Variants in MITF observed in about 807,000 individuals in gnomAD.
MITF encodes microphthalmia-associated transcription factor.
In MITF, 17 loss-of-function variants were observed where a neutral mutation model predicts 60.5. That is an observed-to-expected ratio of 0.28 (90% confidence interval 0.19 to 0.42). The LOEUF (loss-of-function observed/expected upper bound fraction) is 0.42, where lower values mean the gene tolerates loss of function less well. Ranked by LOEUF, MITF falls within the 10% of genes least tolerant of loss-of-function variation. MITF has a pLI of 1.00. For synonymous variants in MITF, 260 were observed against 248.5 expected, an observed-to-expected ratio of 1.05 and a Z score of -0.43; for missense variants, 622 against 683.5, an observed-to-expected ratio of 0.91 and a Z score of 1.00.
At chr3:69,929,408 T>C (rs979886778) in intron 2 of MITF, among the ~76,000 whole-genome samples, 2 of 152,030 alleles carry the variant, frequency 1.3e-5, no homozygotes, top group African/African-American at 4.8e-5. Context: ...GTGGGAGAAG[T>C]AGGCACAGTG....
In MITF at chr3:69,902,999, A is replaced by G. The variant is rs11918328; in HGVS notation, c.354+23616A>G. 7.7e-3 allele frequency among the ~76,000 whole-genome samples: 1,165 copies of G among 152,272 alleles called. 9 individuals carry two copies. Among genetic ancestry groups the G allele is most frequent in the African/African-American group, 0.026 (1,090 of 41,560 alleles). ...CTTTCTATCGTGTTTTATTATTTCA[A>G]TGTTGTTTGTAGAGGTTGTAAGCTA... On this transcript the variant is annotated intron_variant, in intron 2 of 9. Transcript: ENST00000352241.
At chr3:69,836,690 T>C (rs1452134347) in intron 1 of MITF, among the ~76,000 whole-genome samples, 2 of 152,240 alleles carry the variant, frequency 1.3e-5, no homozygotes, top group African/African-American at 4.8e-5. Flanking sequence ...CAGTCAAATT[T>C]TGAAACTGCT....
chr3:69,927,408 T>C (rs2065618668), intron 2 of MITF, among the ~76,000 whole-genome samples: 1 of 151,886 alleles, frequency 6.6e-6, no homozygotes, highest in Non-Finnish European at 1.5e-5. Context: ...TTAGGACAAA[T>C]ACCTAATGCA....
intron 9 of MITF, 50 bp downstream of exon 9, chr3:69,959,470 A>T (rs994744791): frequency 9.3e-6 from 15 of 1,606,124 alleles, no homozygotes; most frequent in Non-Finnish European, 1.2e-5. Flanking sequence ...CGACTTCAAG[A>T]CAGTAGAAAC....
chr3:69,789,327 G>C (rs370976643), intron 1 of MITF, among the ~76,000 whole-genome samples: 1 of 152,130 alleles, frequency 6.6e-6, no homozygotes, highest in African/African-American at 2.4e-5. Context: ...AATTGGCAAA[G>C]GACTTTAAGA....
chr3:69,755,446 T>A (rs1402201437), intron 1 of MITF, among the ~76,000 whole-genome samples: 1 of 132,980 alleles, frequency 7.5e-6, no homozygotes, highest in Non-Finnish European at 1.6e-5. Context: ...TTTTTTTTTT[T>A]TTTTTTTTTT....
chr3:69,739,897 A>G (rs770863176), intron 1 of MITF, among the ~76,000 whole-genome samples, 196 bp downstream of exon 1: 5 of 152,134 alleles, frequency 3.3e-5, no homozygotes, highest in Non-Finnish European at 5.9e-5. Flanking sequence ...GGAAGCTCGG[A>G]TGGAGCGCAC....
intron 1 of MITF, among the ~76,000 whole-genome samples, chr3:69,826,431 C>A (rs1019457333): frequency 2.6e-5 from 4 of 152,162 alleles, no homozygotes; most frequent in African/African-American, 9.7e-5. Context: ...ATTTCATTAT[C>A]TAATCCTACT....
intron 2 of MITF, among the ~76,000 whole-genome samples, chr3:69,887,154 A>G (rs1444922306): frequency 6.6e-6 from 1 of 152,064 alleles, no homozygotes; most frequent in East Asian, 1.9e-4. Context: ...GTCAGTGGTA[A>G]TAAATCTTCT....
intron 1 of MITF, among the ~76,000 whole-genome samples, chr3:69,851,765 C>T (rs149160252): frequency 7.8e-4 from 119 of 151,878 alleles, no homozygotes; most frequent in African/African-American, 2.8e-3. Flanking sequence ...TCTCAAAACT[C>T]GAACGGAAGG....
intron 2 of MITF, among the ~76,000 whole-genome samples, chr3:69,920,290 T>C (rs2065434783): frequency 6.6e-6 from 1 of 152,120 alleles, no homozygotes; most frequent in Non-Finnish European, 1.5e-5. Context: ...CACCCACTAC[T>C]TAGCAGACAG....
chr3:69,817,985 C>T (rs1325023823), intron 1 of MITF, among the ~76,000 whole-genome samples: 2 of 152,044 alleles, frequency 1.3e-5, no homozygotes, highest in East Asian at 3.8e-4. Flanking sequence ...AACACATATG[C>T]ATTAGATATT....
At chr3:69,741,969 G>A (rs576517626) in intron 1 of MITF, among the ~76,000 whole-genome samples, 12 of 152,284 alleles carry the variant, frequency 7.9e-5, no homozygotes, top group South Asian at 4.1e-4. Context: ...TGCTGTAGCC[G>A]TTCTGCCTAT....
intron 7 of MITF, among the ~76,000 whole-genome samples, chr3:69,953,834 G>T (rs1576041305): frequency 6.6e-6 from 1 of 151,848 alleles, no homozygotes; most frequent in East Asian, 1.9e-4. Context: ...ACCATGTATT[G>T]CTGAGTAAGA....
At chr3:69,839,127 A>C (rs2063585603) in intron 1 of MITF, among the ~76,000 whole-genome samples, 1 of 152,074 alleles carries the variant, frequency 6.6e-6, no homozygotes, top group African/African-American at 2.4e-5. Context: ...AATGTCATGC[A>C]TCAGTCAATG....
intron 2 of MITF, among the ~76,000 whole-genome samples, chr3:69,882,039 C>G (rs1267521630): frequency 2.0e-5 from 3 of 152,100 alleles, no homozygotes; most frequent in Non-Finnish European, 4.4e-5. Flanking sequence ...CATACACACA[C>G]AAAGTTAAGT....
intron 2 of MITF, among the ~76,000 whole-genome samples, chr3:69,880,500 A>C (rs2064461635): frequency 6.6e-6 from 1 of 152,146 alleles, no homozygotes; most frequent in Non-Finnish European, 1.5e-5. Context: ...AAAAAGATAC[A>C]AATAGTTTAG....
At chr3:69,765,717 A>G (rs1015308439) in intron 1 of MITF, among the ~76,000 whole-genome samples, 1 of 152,356 alleles carries the variant, frequency 6.6e-6, no homozygotes, top group East Asian at 1.9e-4. Flanking sequence ...GATTAGGAAT[A>G]CAAATATGAT....
intron 1 of MITF, among the ~76,000 whole-genome samples, chr3:69,741,099 G>A (rs1703513356): frequency 6.6e-6 from 1 of 152,194 alleles, no homozygotes; most frequent in Non-Finnish European, 1.5e-5. Flanking sequence ...GAAGGAAACC[G>A]CCTAAGCAGT....
Sources: allele counts gnomAD v4.1 joint callset (sites outside exome capture counted in the v4.1 genomes callset), GRCh38; gene constraint gnomAD v4.1.1; transcripts MANE v1.5; gene names NCBI Gene and HGNC (gene_info 2026-07-23, HGNC 2026-07-21).